SLC13A3: variants seen among roughly 807,000 people sequenced by gnomAD.
SLC13A3 encodes solute carrier family 13 member 3, also known as Na(+)/dicarboxylate cotransporter 3.
SLC13A3 carries 40 observed loss-of-function variants against 59.0 expected under a neutral mutation model. The observed-to-expected ratio is 0.68, with a 90% confidence interval of 0.53 to 0.88. SLC13A3 has a LOEUF of 0.88. Among genes scored for constraint, SLC13A3 ranks in the 40% least tolerant of loss-of-function variants. The probability of loss-of-function intolerance (pLI) is 0.00; values close to 1 mark genes in which losing one functional copy is unlikely to be tolerated. For missense variants in SLC13A3, 699 were observed against 783.2 expected, an observed-to-expected ratio of 0.89 and a Z score of 1.28; for synonymous variants, 317 against 330.3, an observed-to-expected ratio of 0.96 and a Z score of 0.44.
In SLC13A3 at chr20:46,573,818, C is replaced by T. The variant is rs181487390; in HGVS notation, c.1332+1755G>A. Among the ~76,000 whole-genome samples the T allele has an allele frequency of 1.3e-3, 203 of 152,262 alleles. 1 individual carries two copies. Among genetic ancestry groups the T allele is most frequent in the East Asian group, 5.8e-4 (3 of 5,186 alleles). ...GAGATTCCCAAGCCTGGGCTTCTGC[C>T]CAGTGTACACAGTTAACAGGCGTCC... On this transcript the variant is annotated intron_variant, in intron 10 of 12. Coordinates refer to ENST00000279027, the MANE Select transcript of SLC13A3 (RefSeq NM_022829.6).
chr20:46,598,780 T>A (rs1338646959), intron 4 of SLC13A3, among the ~76,000 whole-genome samples: 1 of 151,982 alleles, frequency 6.6e-6, no homozygotes, highest in Non-Finnish European at 1.5e-5. Context: ...ACATGCTCTG[T>A]CCTCCACCAT....
chr20:46,669,618 A>C (rs922413958), intron 1 of SLC13A3, among the ~76,000 whole-genome samples: 7 of 152,168 alleles, frequency 4.6e-5, no homozygotes, highest in Non-Finnish European at 1.5e-5. Context: ...AAGAGACCAC[A>C]TGAGCTGGGT....
Position 46,651,326 on chromosome 20 carries a change from G to C in SLC13A3, c.96C>G (p.Phe32Leu). The C allele has an allele frequency of 6.6e-7, 1 of 1,513,566 alleles. No individual in the cohort carries two copies. The highest frequency in any genetic ancestry group is 8.8e-7 in the Non-Finnish European group (1 of 1,132,462). 93.8% of individuals were successfully genotyped at this position (1,513,566 alleles called of 1,614,324 possible). ...FTPLALLPVV[F>L]ALPPKEGRCL... Reference sequence around the variant, plus strand: ...GAGGCGTTACCTTGGGCGGGAGGGCGAAGACCACCGGCAGCAGCGCGAGCG... The same window carrying C: ...GAGGCGTTACCTTGGGCGGGAGGGCCAAGACCACCGGCAGCAGCGCGAGCG... The change falls in exon 1 of 13, where the codon TTC becomes TTG. Residue 32 changes from phenylalanine to leucine, a missense_variant. Coordinates refer to ENST00000279027, the MANE Select transcript of SLC13A3 (RefSeq NM_022829.6).
intron 10 of SLC13A3, among the ~76,000 whole-genome samples, chr20:46,571,700 TG>T (rs1157856337): frequency 6.6e-6 from 1 of 151,846 alleles, no homozygotes; most frequent in Non-Finnish European, 1.5e-5. Flanking sequence ...CAGGATCATT[TG>T]GGGGGTAGAT....
At chr20:46,590,489 T>A (rs568616022) in intron 6 of SLC13A3, among the ~76,000 whole-genome samples, 8 of 152,196 alleles carry the variant, frequency 5.3e-5, no homozygotes, top group African/African-American at 1.9e-4. Flanking sequence ...AAAAACCCAT[T>A]TGAAAAAAAT....
At chr20:46,676,789 T>A (rs1052285490) in intron 1 of SLC13A3, among the ~76,000 whole-genome samples, 6 of 152,036 alleles carry the variant, frequency 3.9e-5, no homozygotes, top group African/African-American at 1.2e-4. Context: ...CTGGGCTGCG[T>A]GGAAACAGTG....
chr20:46,622,439 TA>T (rs2062624385), intron 1 of SLC13A3, among the ~76,000 whole-genome samples: 1 of 152,158 alleles, frequency 6.6e-6, no homozygotes, highest in African/African-American at 2.4e-5. Flanking sequence ...CTATTTAAAC[TA>T]AATCTCAGAC....
chr20:46,613,820 G>A, intron 1 of SLC13A3, 95 bp from the exon 2 acceptor site: 1 of 1,149,436 alleles, frequency 8.7e-7, no homozygotes, highest in Non-Finnish European at 1.2e-6. Context: ...AGGAGGCCTG[G>A]GCTGGGGGCA....
chr20:46,644,365 G>A (rs958953447), intron 1 of SLC13A3, among the ~76,000 whole-genome samples: 3 of 152,170 alleles, frequency 2.0e-5, no homozygotes, highest in African/African-American at 7.2e-5. Context: ...CCAATCTCCA[G>A]ATGAGAAAAC....
intron 1 of SLC13A3, chr20:46,682,274 A>G (rs1260656249): frequency 1.3e-5 from 2 of 152,354 alleles, no homozygotes; most frequent in East Asian, 3.9e-4. Context: ...AGGGTCAGGA[A>G]TATGGTGGAT....
At position 46,679,624 on chromosome 20, in the gene SLC13A3, A is replaced by G. The variant is rs372096345; in HGVS notation, c.-31+4772T>C. On this transcript the variant is annotated intron_variant, in intron 1 of 6. Coordinates refer to the SLC13A3 transcript ENST00000372121. ...GCGAGACTCCGTCTCAAAAAAAAAA[A>G]GGGGGTGGGGGATGGGCTCACGCCT... Among the ~76,000 whole-genome samples, 105 of 149,334 alleles carry G rather than the reference A, an allele frequency of 7.0e-4. 1 individual carries two copies. The highest frequency in any genetic ancestry group is 3.6e-3 in the Middle Eastern group (1 of 278).
At chr20:46,586,419 G>T (rs2062191930) in intron 8 of SLC13A3, among the ~76,000 whole-genome samples, 1 of 152,070 alleles carries the variant, frequency 6.6e-6, no homozygotes, top group South Asian at 2.1e-4. Flanking sequence ...CAAGTGCTGG[G>T]GTTCCTCATG....
At position 46,613,505 on chromosome 20, in the gene SLC13A3, C is replaced by T. The variant is rs772965750; in HGVS notation, c.332G>A (p.Arg111Gln). ...AAGCATCAGGATCTTGAGGGCGATT[C>T]GCCGGTGCAGGTTCCACTCCTCAAT... ...SAIEEWNLHR[R>Q]IALKILMLVG... Residue 111 changes from arginine (R) to glutamine (Q), a missense_variant, in exon 2 of 13, where the codon CGA becomes CAA. Arg to Gln is a conservative substitution (Grantham distance 43). Coordinates refer to ENST00000279027, the MANE Select transcript of SLC13A3 (RefSeq NM_022829.6). 3.1e-6 allele frequency: 5 copies of T among 1,610,742 alleles called. No homozygotes were observed. The highest frequency in any genetic ancestry group is 3.3e-5 in the Admixed American group (2 of 59,762).
intron 5 of SLC13A3, among the ~76,000 whole-genome samples, chr20:46,593,805 G>C (rs542759542): frequency 7.2e-4 from 110 of 152,190 alleles, no homozygotes; most frequent in Non-Finnish European, 1.3e-3. Context: ...ACTGTATTAA[G>C]AGCATAGTGG....
chr20:46,651,344 C>T lies in SLC13A3; in HGVS notation c.78G>A (p.Ala26=), dbSNP rs1309098431. 3 of 1,514,124 alleles carry T rather than the reference C, an allele frequency of 2.0e-6. No individual in the cohort carries two copies. Among genetic ancestry groups the T allele is most frequent in the African/African-American group, 1.4e-5 (1 of 69,874 alleles). The allele number at this position is 1,514,124 out of a possible 1,614,324, so 93.8% of individuals were successfully genotyped here. The change falls in exon 1 of 13, where the codon GCG becomes GCA. Residue 26 remains alanine (A), a synonymous_variant. Coordinates refer to ENST00000279027, the MANE Select transcript of SLC13A3 (RefSeq NM_022829.6). ...GGAGGGCGAAGACCACCGGCAGCAGCGCGAGCGGCGTGAACAGCAGCACCA... is the reference window on the plus strand; with the variant it reads ...GGAGGGCGAAGACCACCGGCAGCAGTGCGAGCGGCGTGAACAGCAGCACCA... ...RLLVLLFTPL[A]LLPVVFALPP... is the part of the protein sequence containing the mutation.
At chr20:46,633,159 A>G (rs972132518) in intron 1 of SLC13A3, among the ~76,000 whole-genome samples, 15 of 152,116 alleles carry the variant, frequency 9.9e-5, no homozygotes, top group African/African-American at 3.4e-4. Flanking sequence ...TCCAGTTCCC[A>G]CATATATACG....
Position 46,637,007 on chromosome 20 carries a change from A to G in SLC13A3, c.111+14304T>C, listed in dbSNP as rs138855173. On this transcript the variant is annotated intron_variant, in intron 1 of 12. Transcript: ENST00000279027. ...GTAGAGATGGGATTTCACCATGTTG[A>G]CCAGGTTGGTCTCGATCTCCTGACC... is the stretch of plus-strand genomic sequence containing the variant. 3.8e-3 allele frequency among the ~76,000 whole-genome samples: 575 copies of G among 151,922 alleles called. 3 individuals are homozygous for G. Among genetic ancestry groups the G allele is most frequent in the African/African-American group, 0.013 (526 of 41,438 alleles).
intron 3 of SLC13A3, among the ~76,000 whole-genome samples, chr20:46,606,763 T>C (rs557299071): frequency 9.1e-4 from 139 of 152,332 alleles, no homozygotes; most frequent in Middle Eastern, 6.8e-3. Context: ...GGGCCTATCA[T>C]GGCTGTGAGC....
chr20:46,673,227 C>T (rs1323968210), upstream of SLC13A3, among the ~76,000 whole-genome samples: 1 of 152,108 alleles, frequency 6.6e-6, no homozygotes. Flanking sequence ...GGACCAGGTA[C>T]CTATCAACCC....
Sources: gnomAD v4.1 joint callset for allele counts (sites outside exome capture counted in the v4.1 genomes callset) on GRCh38, gnomAD v4.1.1 for gene constraint, MANE v1.5 for transcripts, NCBI Gene and HGNC (gene_info 2026-07-23, HGNC 2026-07-21) for gene names.